SNTG1: variants seen among roughly 807,000 people sequenced by gnomAD.
SNTG1 encodes the protein syntrophin gamma 1, also known as gamma-1-syntrophin.
In SNTG1, 39 loss-of-function variants were observed where a neutral mutation model predicts 74.7. That is an observed-to-expected ratio of 0.52 (90% CI 0.40 to 0.68). SNTG1 has a LOEUF of 0.68. Among genes scored for constraint, SNTG1 ranks in the 30% least tolerant of loss-of-function variants. The probability of loss-of-function intolerance (pLI) is 0.00; values close to 1 mark genes in which losing one functional copy is unlikely to be tolerated. For missense variants in SNTG1, 685 were observed against 609.5 expected, an observed-to-expected ratio of 1.12 and a Z score of -1.30; for synonymous variants, 254 against 217.1, an observed-to-expected ratio of 1.17 and a Z score of -1.49.
At chr8:50,116,034 G>A (rs2080809729) in intron 1 of SNTG1, among the ~76,000 whole-genome samples, 1 of 152,090 alleles carries the variant, frequency 6.6e-6, no homozygotes, top group African/African-American at 2.4e-5. Flanking sequence ...CGTAACTTGA[G>A]TGTTTGTTAT....
intron 1 of SNTG1, among the ~76,000 whole-genome samples, chr8:50,099,027 T>C (rs936174906): frequency 6.6e-6 from 1 of 152,106 alleles, no homozygotes; most frequent in South Asian, 2.1e-4. Flanking sequence ...TTGAAATTTT[T>C]GAGGTTTTAT....
chr8:50,699,208 A>G (rs1442510809), intron 15 of SNTG1, among the ~76,000 whole-genome samples: 1 of 102,328 alleles, frequency 9.8e-6, no homozygotes, highest in Non-Finnish European at 2.5e-5. Flanking sequence ...AAGCAGGAAG[A>G]GGAAGAAAGA....
At chr8:50,487,742 C>G (rs773101404) in intron 8 of SNTG1, among the ~76,000 whole-genome samples, 1 of 151,008 alleles carries the variant, frequency 6.6e-6, no homozygotes, top group Non-Finnish European at 1.5e-5. Flanking sequence ...TGCTTGATGA[C>G]GAGTTAGTGG....
At chr8:50,026,225 T>G (rs948021138) in intron 1 of SNTG1, among the ~76,000 whole-genome samples, 2 of 152,176 alleles carry the variant, frequency 1.3e-5, no homozygotes, top group African/African-American at 2.4e-5. Context: ...CCAATAATGA[T>G]TTTACTGTAT....
At chr8:50,632,304 T>C (rs1024299719) in intron 13 of SNTG1, among the ~76,000 whole-genome samples, 13 of 150,982 alleles carry the variant, frequency 8.6e-5, no homozygotes, top group African/African-American at 2.9e-4. Context: ...TTTATTTATT[T>C]ATTTATTTAT....
At chr8:50,425,364 A>T (rs1283712055) in intron 4 of SNTG1, among the ~76,000 whole-genome samples, 1 of 151,492 alleles carries the variant, frequency 6.6e-6, no homozygotes, top group Non-Finnish European at 1.5e-5. Flanking sequence ...TCATAGAAGC[A>T]CATACCCTAT....
At chr8:50,147,461 T>G (rs1464191697) in intron 1 of SNTG1, among the ~76,000 whole-genome samples, 1 of 152,192 alleles carries the variant, frequency 6.6e-6, no homozygotes, top group Non-Finnish European at 1.5e-5. Flanking sequence ...ACTTGTTTTT[T>G]ACAGAAATGG....
At chr8:50,179,113 C>A (rs768807246) in intron 2 of SNTG1, among the ~76,000 whole-genome samples, 2 of 152,084 alleles carry the variant, frequency 1.3e-5, no homozygotes, top group Non-Finnish European at 2.9e-5. Context: ...AATTAGTTGA[C>A]CATGTATGCT....
intron 1 of SNTG1, among the ~76,000 whole-genome samples, chr8:49,918,497 C>T (rs1806241110): frequency 6.6e-6 from 1 of 152,082 alleles, no homozygotes; most frequent in Non-Finnish European, 1.5e-5. Flanking sequence ...ACTTTTGTGC[C>T]TACTCATATG....
intron 17 of SNTG1, among the ~76,000 whole-genome samples, chr8:50,712,044 CTAGT>C (rs1326371421): frequency 1.3e-5 from 2 of 152,052 alleles, no homozygotes; most frequent in Non-Finnish European, 2.9e-5. Context: ...GATAGAGTTC[CTAGT>C]TAAACAGAAA....
At chr8:50,695,586 A>T (rs1218355315) in intron 15 of SNTG1, among the ~76,000 whole-genome samples, 1 of 151,670 alleles carries the variant, frequency 6.6e-6, no homozygotes, top group Non-Finnish European at 1.5e-5. Context: ...TGCGCCTATT[A>T]CCCAAATAGG....
intron 13 of SNTG1, among the ~76,000 whole-genome samples, chr8:50,605,679 A>G (rs925223631): frequency 2.9e-4 from 44 of 152,006 alleles, no homozygotes; most frequent in African/African-American, 1.0e-3. Flanking sequence ...TACTTTCTCA[A>G]CAATATGAAG....
At chr8:50,637,731 T>C (rs993113419) in intron 13 of SNTG1, among the ~76,000 whole-genome samples, 3 of 152,156 alleles carry the variant, frequency 2.0e-5, no homozygotes, top group African/African-American at 7.2e-5. Flanking sequence ...TGTTTACGAA[T>C]ATATTTAAAT....
At position 50,704,760 on chromosome 8, in the gene SNTG1, T is replaced by C. The variant is rs1189652785; in HGVS notation, c.1191+8T>C. The C allele has an allele frequency of 1.2e-6, 2 of 1,613,456 alleles. No individual in the cohort carries two copies. Among genetic ancestry groups the C allele is most frequent in the Non-Finnish European group, 1.7e-6 (2 of 1,179,822 alleles). ...GAAGTAGAACGGATACAGGTGAGAG[T>C]CTGTGGGACTGCAGGATGTGTGGCT... On this transcript the variant is annotated splice_region_variant and intron_variant, in intron 16 of 18. Coordinates refer to ENST00000642720, the MANE Select transcript of SNTG1 (RefSeq NM_018967.5).
chr8:50,332,824 A>G (rs143373576), intron 2 of SNTG1, among the ~76,000 whole-genome samples: 1 of 152,318 alleles, frequency 6.6e-6, no homozygotes, highest in East Asian at 1.9e-4. Context: ...CTAAATGATT[A>G]CAATGTCACC....
chr8:50,270,468 T>C lies in SNTG1; in HGVS notation c.-28+97833T>C, dbSNP rs549493513. Among the ~76,000 whole-genome samples, 323 of 152,268 alleles carry C rather than the reference T, an allele frequency of 2.1e-3. 2 individuals carry two copies. Among genetic ancestry groups the C allele is most frequent in the African/African-American group, 7.4e-3 (307 of 41,584 alleles). ...TGGATCTTCAAAAAAGTTTATGAAT[T>C]CAACACGAAAAATCTGTTATGATTG... On this transcript the variant is annotated intron_variant, in intron 2 of 18. Transcript: ENST00000642720.
chr8:50,181,338 G>A (rs1357698822), intron 2 of SNTG1, among the ~76,000 whole-genome samples: 1 of 152,136 alleles, frequency 6.6e-6, no homozygotes, highest in Non-Finnish European at 1.5e-5. Context: ...TCCTAATGGA[G>A]TTTATCATAA....
intron 13 of SNTG1, among the ~76,000 whole-genome samples, chr8:50,600,135 A>G (rs1019003489): frequency 2.6e-5 from 4 of 152,088 alleles, no homozygotes; most frequent in African/African-American, 9.7e-5. Flanking sequence ...ACCATTGTTG[A>G]ATCTCTGTGA....
intron 8 of SNTG1, among the ~76,000 whole-genome samples, chr8:50,469,262 G>A (rs1335747177): frequency 6.6e-6 from 1 of 152,132 alleles, no homozygotes; most frequent in African/African-American, 2.4e-5. Context: ...ACAGGCTTCT[G>A]TTGGTGTCGT....
Sources: gnomAD v4.1 joint callset for allele counts (sites outside exome capture counted in the v4.1 genomes callset) on GRCh38, gnomAD v4.1.1 for gene constraint, MANE v1.5 for transcripts, NCBI Gene and HGNC (gene_info 2026-07-23, HGNC 2026-07-21) for gene names.